PHF20: variants seen among roughly 807,000 people sequenced by gnomAD.
The protein encoded by PHF20 is glioma-expressed antigen 2.
PHF20 carries 23 observed loss-of-function variants against 113.5 expected under a neutral mutation model. The ratio of observed to expected loss-of-function variants is 0.20; its 90% CI spans 0.15 to 0.29. The LOEUF (loss-of-function observed/expected upper bound fraction) is 0.29. PHF20 is among the 10% of genes least tolerant of loss of function. The pLI is 1.00. For missense variants in PHF20, 943 were observed against 1,219.6 expected (o/e 0.77, Z 3.38); for synonymous variants, 434 against 457.3 (o/e 0.95, Z 0.65).
intron 6 of PHF20, among the ~76,000 whole-genome samples, chr20:35,863,772 A>G (rs1273274280): frequency 6.6e-6 from 1 of 152,222 alleles, no homozygotes; most frequent in Non-Finnish European, 1.5e-5. Context: ...TGAGACAGAC[A>G]TGAAAGAAAA....
At position 35,948,713 on chromosome 20, in the gene PHF20, T is replaced by C. The variant is rs1453060516; in HGVS notation, c.*1086T>C. 6.6e-6 allele frequency: 1 copy of C among 152,648 alleles called. No individual in the cohort carries two copies. The highest frequency in any genetic ancestry group is 1.5e-5 in the Non-Finnish European group (1 of 68,042). 9.5% of individuals were successfully genotyped at this position (152,648 alleles called of 1,614,324 possible). A position where few individuals can be genotyped will look rare whatever the true frequency, so the allele number is the denominator to read the frequency against. Reference sequence around the variant, plus strand: ...TTTGTACCTTTTGAGACAATATTTGTGTTACTTTTGCAGGTTACGGTTCCA... The same window carrying C: ...TTTGTACCTTTTGAGACAATATTTGCGTTACTTTTGCAGGTTACGGTTCCA... On this transcript the variant is annotated 3_prime_UTR_variant, in exon 18 of 18. Transcript: ENST00000374012.
intron 7 of PHF20, 78 bp downstream of exon 7, chr20:35,869,629 C>G (rs2054382470): frequency 1.3e-6 from 1 of 795,236 alleles, no homozygotes; most frequent in Admixed American, 1.9e-5. Context: ...ATCCTGTCCC[C>G]CATTCCCTAT....
At chr20:35,926,452 G>A (rs1250212356) in intron 13 of PHF20, among the ~76,000 whole-genome samples, 2 of 151,736 alleles carry the variant, frequency 1.3e-5, no homozygotes, top group Non-Finnish European at 2.9e-5. Flanking sequence ...TGTTAGCCAG[G>A]ATGGTCTCGA....
At position 35,946,441 on chromosome 20, in the gene PHF20, T is replaced by A. The variant is rs201977147; in HGVS notation, c.2897-1044T>A. ...ACAGTGAGACTCCATCTCAAAAAAA[T>A]AAATAAATAAGTAAATAAATAAAGG... On this transcript the variant is annotated intron_variant, in intron 17 of 17. Coordinates refer to ENST00000374012, the MANE Select transcript of PHF20 (RefSeq NM_016436.5). Among the ~76,000 whole-genome samples the A allele has an allele frequency of 2.8e-4, 42 of 151,952 alleles. No individual in the cohort carries two copies. The East Asian group carries it at 5.2e-3, about 19-fold the overall frequency.
chr20:35,874,197 A>G (rs2054476589), intron 9 of PHF20, among the ~76,000 whole-genome samples: 1 of 152,194 alleles, frequency 6.6e-6, no homozygotes, highest in Non-Finnish European at 1.5e-5. Flanking sequence ...GCTGGTCTGG[A>G]ACTCCTGACG....
intron 2 of PHF20, among the ~76,000 whole-genome samples, chr20:35,839,566 G>A (rs960684748): frequency 1.3e-5 from 2 of 152,104 alleles, no homozygotes; most frequent in Admixed American, 1.3e-4. Flanking sequence ...TGGATTTAGG[G>A]AATCCTCTCT....
chr20:35,917,290 G>A (rs2055421826), intron 12 of PHF20, 194 bp from the exon 13 acceptor site: 25 of 687,034 alleles, frequency 3.6e-5, no homozygotes, highest in South Asian at 3.5e-4. Context: ...TGAGTTCACT[G>A]CCAGGCAGCA....
chr20:35,943,511 A>G (rs1050461469), intron 17 of PHF20, among the ~76,000 whole-genome samples: 54 of 151,494 alleles, frequency 3.6e-4, no homozygotes, highest in African/African-American at 1.2e-3. Flanking sequence ...AAAAAAAAAA[A>G]AAAGCCTAGT....
chr20:35,841,343 A>G (rs2042532266), intron 2 of PHF20, among the ~76,000 whole-genome samples: 1 of 151,978 alleles, frequency 6.6e-6, no homozygotes, highest in South Asian at 2.1e-4. Context: ...ACCCTGTCTC[A>G]ATCAATCAAT....
At chr20:35,877,895 T>G (rs2054560540) in intron 9 of PHF20, among the ~76,000 whole-genome samples, 2 of 152,234 alleles carry the variant, frequency 1.3e-5, no homozygotes, top group South Asian at 4.1e-4. Context: ...TTGTTGTTAG[T>G]TATAAAACGA....
chr20:35,809,147 A>C (rs895793572), intron 2 of PHF20, among the ~76,000 whole-genome samples: 1 of 151,852 alleles, frequency 6.6e-6, no homozygotes, highest in Admixed American at 6.6e-5. Context: ...CCTGAGTCTG[A>C]GGCAAGAGAA....
chr20:35,809,788 G>A (rs1280285248), intron 2 of PHF20, among the ~76,000 whole-genome samples: 1 of 152,030 alleles, frequency 6.6e-6, no homozygotes, highest in Non-Finnish European at 1.5e-5. Context: ...GGCTGAGGCA[G>A]GAGGACTGCT....
chr20:35,907,552 GATA>G (rs1301941617), intron 10 of PHF20, among the ~76,000 whole-genome samples: 1 of 152,230 alleles, frequency 6.6e-6, no homozygotes, highest in Non-Finnish European at 1.5e-5. Context: ...TTGCAAGCAA[GATA>G]ATAACAGCTG....
At chr20:35,926,757 A>G (rs1017147845) in intron 13 of PHF20, among the ~76,000 whole-genome samples, 4 of 152,074 alleles carry the variant, frequency 2.6e-5, no homozygotes, top group African/African-American at 9.7e-5. Flanking sequence ...TGATGCCAGG[A>G]CCTATGTGAC....
chr20:35,777,739 G>C lies in PHF20; in HGVS notation c.-33+5660G>C, dbSNP rs147760039. 1.6e-4 allele frequency among the ~76,000 whole-genome samples: 24 copies of C among 152,302 alleles called. No homozygotes were observed. The East Asian group carries it at 4.0e-3, about 26-fold the overall frequency. ...CTTGGGAGGCTGACGAGGGAGTTCAGAGTCTGCAGTGAGCTAGGATTGTAC... is the reference window on the plus strand; with the variant it reads ...CTTGGGAGGCTGACGAGGGAGTTCACAGTCTGCAGTGAGCTAGGATTGTAC... On this transcript the variant is annotated intron_variant, in intron 1 of 17. Coordinates refer to ENST00000374012, the MANE Select transcript of PHF20 (RefSeq NM_016436.5).
chr20:35,849,341 C>G (rs1180883033), intron 4 of PHF20: 9 of 429,166 alleles, frequency 2.1e-5, no homozygotes, highest in Admixed American at 1.5e-4. Flanking sequence ...TAGTAATCTA[C>G]TGTTTAGATC....
intron 4 of PHF20, among the ~76,000 whole-genome samples, chr20:35,854,332 C>T (rs569681389): frequency 1.6e-4 from 25 of 152,276 alleles, no homozygotes; most frequent in Admixed American, 3.9e-4. Flanking sequence ...GACAAAAACT[C>T]CTTGAGGGAG....
rs2055431872 is a variant in PHF20 at position 35,917,663 on chromosome 20, G to A, written c.2004+1G>A. 1 of 1,612,134 alleles carries A rather than the reference G, an allele frequency of 6.2e-7. No homozygotes were observed. Among genetic ancestry groups the A allele is most frequent in the African/African-American group, 1.3e-5 (1 of 74,854 alleles). ...GGAGGAAAATGACTTCATGATTCAG[G>A]TAGGCAGAGCTTCCAGGAAACAGGT... On this transcript the variant is annotated splice_donor_variant, in intron 13 of 17. Transcript: ENST00000374012. LOFTEE classifies it high-confidence loss of function.
intron 2 of PHF20, among the ~76,000 whole-genome samples, chr20:35,804,962 C>T (rs981586014): frequency 2.0e-5 from 3 of 152,000 alleles, no homozygotes; most frequent in African/African-American, 7.2e-5. Flanking sequence ...AATGCAGGGT[C>T]GTGATCTTGG....
Sources: allele counts gnomAD v4.1 joint callset (sites outside exome capture counted in the v4.1 genomes callset), GRCh38; gene constraint gnomAD v4.1.1; transcripts MANE v1.5; gene names NCBI Gene and HGNC (gene_info 2026-07-23, HGNC 2026-07-21).